Variants in KDM1A observed in about 807,000 individuals in gnomAD.
KDM1A encodes lysine demethylase 1A.
KDM1A carries 49 observed loss-of-function variants against 109.4 expected under a neutral mutation model. The ratio of observed to expected loss-of-function variants is 0.45; its 90% CI spans 0.36 to 0.57. KDM1A has a LOEUF of 0.57. Among genes scored for constraint, KDM1A ranks in the 20% least tolerant of loss-of-function variants. The pLI is 0.00. For missense variants in KDM1A, 668 were observed against 1,116.6 expected, an observed-to-expected ratio of 0.60 and a Z score of 5.73; for synonymous variants, 380 against 415.4, an observed-to-expected ratio of 0.91 and a Z score of 1.04.
intron 18 of KDM1A, 100 bp from the exon 19 acceptor site, chr1:23,081,346 A>G (rs372833324): frequency 4.4e-6 from 6 of 1,358,190 alleles, no homozygotes; most frequent in African/African-American, 2.9e-5. Flanking sequence ...GTGTCTTGTC[A>G]TCAGATTTCA....
At chr1:23,053,348 T>C (rs1044491949) in intron 4 of KDM1A, among the ~76,000 whole-genome samples, 1 of 152,200 alleles carries the variant, frequency 6.6e-6, no homozygotes, top group African/African-American at 2.4e-5. Flanking sequence ...GGAAAGCCCA[T>C]GTTTGGGGCC....
intron 9 of KDM1A, among the ~76,000 whole-genome samples, chr1:23,064,127 G>A (rs1377142133): frequency 1.3e-5 from 2 of 152,186 alleles, no homozygotes; most frequent in Non-Finnish European, 2.9e-5. Context: ...GGGCTCAAGT[G>A]ATCCTCCTGC....
chr1:23,083,101 T>G, intron 20 of KDM1A, 78 bp from the exon 21 acceptor site: 1 of 1,366,284 alleles, frequency 7.3e-7, no homozygotes. Flanking sequence ...CAACAGCAAT[T>G]TAAGTACTTA....
rs1265934404 is a variant in KDM1A, at chr1:23,057,417, A to G, written c.991-67A>G. 4 of 1,144,434 alleles carry G rather than the reference A, an allele frequency of 3.5e-6. No homozygotes were observed. In the Admixed American group the frequency reaches 5.1e-5, roughly 15 times the overall value. The allele number at this position is 1,144,434 out of a possible 1,614,324, so 70.9% of individuals were successfully genotyped here. ...AAATTATAGAAGACAGAGCCGTGGT[A>G]TGGTACTATGCCAGGTTTGTGGTTA... On this transcript the variant is annotated intron_variant, in intron 7 of 20. Coordinates refer to ENST00000400181, the MANE Select transcript of KDM1A (RefSeq NM_001009999.3).
At chr1:23,075,310 A>G (rs1643430543) in intron 15 of KDM1A, among the ~76,000 whole-genome samples, 1 of 152,226 alleles carries the variant, frequency 6.6e-6, no homozygotes, top group Non-Finnish European at 1.5e-5. Flanking sequence ...TAGGCTGGGT[A>G]CGGTGGCTCA....
chr1:23,058,934 G>C (rs1284402540), intron 8 of KDM1A, 139 bp from the exon 9 acceptor site: 2 of 490,338 alleles, frequency 4.1e-6, no homozygotes, highest in Non-Finnish European at 6.9e-6. Flanking sequence ...TTTACTTAGA[G>C]TGCTTTTTTT....
At position 23,019,855 on chromosome 1, in the gene KDM1A, C is replaced by A; in HGVS notation, c.259C>A (p.Pro87Thr). 1 of 1,518,034 alleles carries A rather than the reference C, an allele frequency of 6.6e-7. No individual in the cohort carries two copies. Among genetic ancestry groups the A allele is most frequent in the South Asian group, 1.2e-5 (1 of 80,302 alleles). 94.0% of individuals were successfully genotyped at this position (1,518,034 alleles called of 1,614,324 possible). ...PPGSAGPQAG[P>T]TVVPGSATPM... ...GGGGTCCGCAGGGCCTCAGGCCGGC[C>A]CTACTGTCGTGCCTGGGTCTGCGAC... Residue 87 changes from proline to threonine, a missense_variant, in exon 1 of 21, where the codon CCT becomes ACT. Around this residue, in one of 8 missense-constraint regions of KDM1A, gnomAD observed 156 missense variants for 163.4 expected, o/e 0.95. Transcript: ENST00000400181.
At position 23,019,519 on chromosome 1, in the gene KDM1A, G is replaced by C; in HGVS notation, c.-78G>C. ...GCGGCGCGCGGGCAGCGTGAAGCGAGGCGAGGCAAGGCTTTTCGGACCCAC... is the reference window on the plus strand; with the variant it reads ...GCGGCGCGCGGGCAGCGTGAAGCGACGCGAGGCAAGGCTTTTCGGACCCAC... On this transcript the variant is annotated 5_prime_UTR_variant, in exon 1 of 21. Transcript: ENST00000400181. 1 of 1,313,998 alleles carries C rather than the reference G, an allele frequency of 7.6e-7. No individual in the cohort carries two copies. Among genetic ancestry groups the C allele is most frequent in the Non-Finnish European group, 9.7e-7 (1 of 1,032,000 alleles). 81.4% of individuals were successfully genotyped at this position (1,313,998 alleles called of 1,614,324 possible).
intron 20 of KDM1A, 42 bp from the exon 21 acceptor site, chr1:23,083,137 A>G (rs781522250): frequency 4.5e-6 from 7 of 1,565,962 alleles, no homozygotes; most frequent in Non-Finnish European, 6.1e-6. Context: ...GAATAAAGGT[A>G]TATGTGCAGC....
intron 1 of KDM1A, among the ~76,000 whole-genome samples, chr1:23,027,326 C>A (rs74355150): frequency 0.051 from 7,751 of 151,078 alleles, 286 homozygotes; most frequent in Middle Eastern, 0.17. Flanking sequence ...AATTTTGTTT[C>A]TGTATTTTGC....
chr1:23,027,737 T>TA (rs397979589), intron 1 of KDM1A, among the ~76,000 whole-genome samples: 1 of 150,862 alleles, frequency 6.6e-6, no homozygotes, highest in African/African-American at 2.4e-5. Context: ...TTTTTTTTTT[T>TA]AAGCTTGCTT....
At chr1:23,038,228 A>T (rs546497032) in intron 2 of KDM1A, among the ~76,000 whole-genome samples, 1 of 150,296 alleles carries the variant, frequency 6.7e-6, no homozygotes, top group Non-Finnish European at 1.5e-5. Flanking sequence ...TATGAAATAG[A>T]TAACTTTTTA....
intron 12 of KDM1A, among the ~76,000 whole-genome samples, chr1:23,070,366 G>A (rs1459817145): frequency 1.3e-5 from 2 of 152,248 alleles, no homozygotes; most frequent in East Asian, 3.9e-4. Context: ...AGTTACTCAG[G>A]AGGCTGAGGC....
chr1:23,035,794 T>G (rs1642125759), intron 2 of KDM1A, among the ~76,000 whole-genome samples: 1 of 152,208 alleles, frequency 6.6e-6, no homozygotes, highest in Non-Finnish European at 1.5e-5. Flanking sequence ...AAAAATTTGA[T>G]GAATTATTTA....
At chr1:23,048,486 G>A (rs1642567326) in intron 3 of KDM1A, among the ~76,000 whole-genome samples, 1 of 152,008 alleles carries the variant, frequency 6.6e-6, no homozygotes, top group South Asian at 2.1e-4. Flanking sequence ...TTTGGGTATG[G>A]ATTAGTTAAA....
chr1:23,045,818 G>A (rs1642486560), intron 3 of KDM1A, among the ~76,000 whole-genome samples: 1 of 152,152 alleles, frequency 6.6e-6, no homozygotes, highest in Non-Finnish European at 1.5e-5. Flanking sequence ...AGGAATGATG[G>A]TGACTGTTGT....
chr1:23,068,921 AT>A lies in KDM1A; in HGVS notation c.1323-137del, dbSNP rs1043822839. ...TATATTTAACATAGCCTAGGAAATA[AT>A]TTCCAACTAGCCAACTTTCTTGTTC... On this transcript the variant is annotated intron_variant, in intron 11 of 20. Transcript: ENST00000400181. 7.3e-5 allele frequency: 47 copies of A among 645,690 alleles called. 1 individual carries two copies. Among genetic ancestry groups the A allele is most frequent in the Admixed American group, 2.1e-4 (6 of 28,918 alleles). The allele number at this position is 645,690 out of a possible 1,614,324, so 40.0% of individuals were successfully genotyped here.
At chr1:23,074,076 C>A (rs942379667) in intron 15 of KDM1A, among the ~76,000 whole-genome samples, 1 of 152,222 alleles carries the variant, frequency 6.6e-6, no homozygotes, top group African/African-American at 2.4e-5. Flanking sequence ...GCCTTCCCAT[C>A]AGCAATGTAT....
chr1:23,020,131 G>T (rs981630701), intron 1 of KDM1A, 184 bp downstream of exon 1: 1 of 590,624 alleles, frequency 1.7e-6, no homozygotes, highest in Non-Finnish European at 2.6e-6. Context: ...AGTCTTTGCC[G>T]GTGTTGACTG....
Sources: allele counts gnomAD v4.1 joint callset (sites outside exome capture counted in the v4.1 genomes callset), GRCh38; gene constraint gnomAD v4.1.1; regional missense constraint gnomAD v4.1.1; transcripts MANE v1.5; gene names NCBI Gene and HGNC (gene_info 2026-07-23, HGNC 2026-07-21).